STXBP5L: variants seen among roughly 807,000 people sequenced by gnomAD.
STXBP5L encodes syntaxin-binding protein 5-like.
In STXBP5L, 65 loss-of-function variants were observed where a neutral mutation model predicts 144.5. The observed-to-expected ratio is 0.45, with a 90% CI of 0.37 to 0.55. The LOEUF is 0.55. Among genes scored for constraint, STXBP5L ranks in the 20% least tolerant of loss-of-function variants. The probability of loss-of-function intolerance (pLI) is 0.00; values close to 1 mark genes in which losing one functional copy is unlikely to be tolerated. For missense variants in STXBP5L, 1,298 were observed against 1,405.5 expected (o/e 0.92, Z 1.22); for synonymous variants, 505 against 469.6 (o/e 1.08, Z -0.97).
chr3:120,957,444 G>C lies in STXBP5L; in HGVS notation c.287+2407G>C, dbSNP rs139138856. On this transcript the variant is annotated intron_variant, in intron 3 of 26. Coordinates refer to ENST00000471454, the MANE Select transcript of STXBP5L (RefSeq NM_001308330.2). ...TATGTTGTCTTGTTGAAATTGATTTGTGAGTATTTTGTTGAGGATTTTTGC... is the reference window on the plus strand; with the variant it reads ...TATGTTGTCTTGTTGAAATTGATTTCTGAGTATTTTGTTGAGGATTTTTGC... 2.6e-3 allele frequency among the ~76,000 whole-genome samples: 389 copies of C among 152,118 alleles called. 4 individuals are homozygous for C. Among genetic ancestry groups the C allele is most frequent in the African/African-American group, 8.7e-3 (363 of 41,540 alleles).
At chr3:121,113,672 C>CTTTTTTTT (rs1231857211) in intron 5 of STXBP5L, among the ~76,000 whole-genome samples, 57 of 122,570 alleles carry the variant, frequency 4.7e-4, no homozygotes, top group Non-Finnish European at 6.0e-4. Flanking sequence ...TTTTCTTTTT[C>CTTTTTTTT]TTTTTTTTTT....
At chr3:121,202,439 G>A (rs1230355513) in intron 9 of STXBP5L, among the ~76,000 whole-genome samples, 1 of 152,046 alleles carries the variant, frequency 6.6e-6, no homozygotes, top group Admixed American at 6.6e-5. Flanking sequence ...GAGGTGGTTG[G>A]AGAATACATA....
At chr3:121,070,880 G>A (rs1326533386) in intron 5 of STXBP5L, among the ~76,000 whole-genome samples, 1 of 152,162 alleles carries the variant, frequency 6.6e-6, no homozygotes, top group Non-Finnish European at 1.5e-5. Context: ...GTATATAATG[G>A]CATTAGGGGT....
intron 5 of STXBP5L, among the ~76,000 whole-genome samples, chr3:121,065,356 T>A (rs1021279010): frequency 6.6e-6 from 1 of 152,144 alleles, no homozygotes; most frequent in African/African-American, 2.4e-5. Context: ...TGTATATACA[T>A]ATTTTATAAT....
At chr3:120,969,187 A>G (rs1409419298) in intron 3 of STXBP5L, among the ~76,000 whole-genome samples, 2 of 151,732 alleles carry the variant, frequency 1.3e-5, no homozygotes, top group East Asian at 1.9e-4. Context: ...TTTTTACCAC[A>G]TCCATGCCAA....
intron 2 of STXBP5L, among the ~76,000 whole-genome samples, chr3:120,916,765 A>T (rs1479028223): frequency 6.6e-6 from 1 of 152,132 alleles, no homozygotes; most frequent in East Asian, 1.9e-4. Context: ...ATTGAGAGAA[A>T]ATTGTTATAC....
chr3:121,182,020 T>C (rs1170943946), intron 9 of STXBP5L, among the ~76,000 whole-genome samples: 1 of 150,480 alleles, frequency 6.6e-6, no homozygotes, highest in Non-Finnish European at 1.5e-5. Context: ...CCAAAATTTA[T>C]GAAACAATTA....
chr3:121,331,398 T>G (rs2044317908), intron 20 of STXBP5L, among the ~76,000 whole-genome samples: 3 of 152,198 alleles, frequency 2.0e-5, no homozygotes, highest in Admixed American at 2.0e-4. Context: ...CTGGAACATT[T>G]CAGGGTGACT....
At chr3:121,410,061 A>T (rs73191764) in intron 23 of STXBP5L, among the ~76,000 whole-genome samples, 5,419 of 151,942 alleles carry the variant, frequency 0.036, 144 homozygotes, top group Middle Eastern at 0.082. Flanking sequence ...TCATTCTCTC[A>T]TGTATTTCTG....
intron 25 of STXBP5L, among the ~76,000 whole-genome samples, chr3:121,416,179 G>C (rs769683308): frequency 1.6e-4 from 24 of 151,856 alleles, no homozygotes; most frequent in Non-Finnish European, 3.1e-4. Flanking sequence ...TTCATATTAG[G>C]AAATTGTTTA....
At chr3:121,201,939 A>T (rs1393177700) in intron 9 of STXBP5L, among the ~76,000 whole-genome samples, 2 of 152,104 alleles carry the variant, frequency 1.3e-5, no homozygotes, top group Non-Finnish European at 2.9e-5. Flanking sequence ...TATTTTTAGT[A>T]AGGACAGGGT....
At chr3:121,361,989 A>G (rs1020600056) in intron 20 of STXBP5L, among the ~76,000 whole-genome samples, 4 of 152,232 alleles carry the variant, frequency 2.6e-5, no homozygotes, top group African/African-American at 9.6e-5. Flanking sequence ...TCTAAGCTGT[A>G]TCTGCTTTGG....
In STXBP5L at chr3:121,087,194, G is replaced by C. The variant is rs550643917; in HGVS notation, c.471-27731G>C. On this transcript the variant is annotated intron_variant, in intron 5 of 26. Transcript: ENST00000471454. ...CAGATTATTCTGTAAAAGTTGATTAGATTCTATAGGGTTATGATTTTCTTG... is the reference window on the plus strand; with the variant it reads ...CAGATTATTCTGTAAAAGTTGATTACATTCTATAGGGTTATGATTTTCTTG... 5.3e-5 allele frequency among the ~76,000 whole-genome samples: 8 copies of C among 152,132 alleles called. No homozygotes were observed. In the East Asian group the frequency reaches 1.5e-3, roughly 29 times the overall value.
intron 20 of STXBP5L, among the ~76,000 whole-genome samples, chr3:121,321,113 A>G (rs997302775): frequency 6.6e-6 from 1 of 152,220 alleles, no homozygotes; most frequent in African/African-American, 2.4e-5. Flanking sequence ...TGAGGCAGAA[A>G]TGATGGATTG....
At chr3:121,311,585 A>G (rs1443836395) in intron 19 of STXBP5L, among the ~76,000 whole-genome samples, 3 of 152,244 alleles carry the variant, frequency 2.0e-5, no homozygotes, top group Non-Finnish European at 4.4e-5. Context: ...GTGAACTCCC[A>G]TTCACAATTG....
At chr3:121,208,806 T>C (rs1241107767) in intron 10 of STXBP5L, among the ~76,000 whole-genome samples, 3 of 152,126 alleles carry the variant, frequency 2.0e-5, no homozygotes, top group African/African-American at 7.2e-5. Context: ...TTGGAATACA[T>C]GTGTAAAAAG....
chr3:120,938,408 C>A (rs1026414442), intron 2 of STXBP5L, among the ~76,000 whole-genome samples: 1 of 152,172 alleles, frequency 6.6e-6, no homozygotes, highest in African/African-American at 2.4e-5. Context: ...ACTTAGAATT[C>A]TTCCTTGGGA....
intron 20 of STXBP5L, among the ~76,000 whole-genome samples, chr3:121,343,645 A>G (rs1440254681): frequency 6.6e-6 from 1 of 152,164 alleles, no homozygotes; most frequent in Non-Finnish European, 1.5e-5. Context: ...ACACCCATTC[A>G]CAATTGCTTC....
chr3:121,201,055 G>A (rs745733269), intron 9 of STXBP5L, among the ~76,000 whole-genome samples: 30 of 152,092 alleles, frequency 2.0e-4, no homozygotes, highest in Non-Finnish European at 4.0e-4. Context: ...TTTCTGTCTT[G>A]TTGATCTGTC....
Sources: gnomAD v4.1 joint callset for allele counts (sites outside exome capture counted in the v4.1 genomes callset) on GRCh38, gnomAD v4.1.1 for gene constraint, MANE v1.5 for transcripts, NCBI Gene and HGNC (gene_info 2026-07-23, HGNC 2026-07-21) for gene names.